AKAP19: variants seen among roughly 807,000 people sequenced by gnomAD.
The protein encoded by AKAP19 is small A-kinase anchoring protein.
the AKAP19 span, among the ~76,000 whole-genome samples, chr2:190,001,056 A>AT: frequency 6.6e-6 from 1 of 152,158 alleles, no homozygotes; most frequent in Non-Finnish European, 1.5e-5. Context: ...ATATTGACCT[A>AT]TCATTAAATT....
At chr2:190,114,507 G>A in the AKAP19 span, among the ~76,000 whole-genome samples, 4 of 152,356 alleles carry the variant, frequency 2.6e-5, no homozygotes, top group South Asian at 8.3e-4. Flanking sequence ...CCAGGCGGGA[G>A]TCCAGTGGCG....
the AKAP19 span, among the ~76,000 whole-genome samples, chr2:189,963,223 T>C: frequency 1.6e-5 from 2 of 128,292 alleles, no homozygotes; most frequent in African/African-American, 6.8e-5. Flanking sequence ...AGATGGAGTC[T>C]CACTCTGTTG....
the AKAP19 span, among the ~76,000 whole-genome samples, chr2:189,955,164 G>A: frequency 6.6e-6 from 1 of 152,080 alleles, no homozygotes; most frequent in Non-Finnish European, 1.5e-5. Context: ...TGTACCCGTT[G>A]TTTAGCTTCC....
At chr2:190,104,868 G>A in the AKAP19 span, among the ~76,000 whole-genome samples, 1 of 152,046 alleles carries the variant, frequency 6.6e-6, no homozygotes, top group African/African-American at 2.4e-5. Context: ...CAAACAAGTG[G>A]CCAACAAACA....
the AKAP19 span, among the ~76,000 whole-genome samples, chr2:189,899,403 T>C: frequency 6.6e-6 from 1 of 152,172 alleles, no homozygotes; most frequent in Admixed American, 6.5e-5. Flanking sequence ...CTCTCCTTCA[T>C]ATAGATTCCT....
the AKAP19 span, among the ~76,000 whole-genome samples, chr2:190,045,655 C>T: frequency 1.3e-5 from 2 of 152,156 alleles, no homozygotes; most frequent in African/African-American, 2.4e-5. Context: ...CTAAGGGAGG[C>T]GCAATGCTCC....
At chr2:190,027,658 A>G in the AKAP19 span, among the ~76,000 whole-genome samples, 1 of 152,168 alleles carries the variant, frequency 6.6e-6, no homozygotes, top group African/African-American at 2.4e-5. Context: ...ATAGGAGTAC[A>G]TACTTGTAGA....
At chr2:190,001,898 C>T in the AKAP19 span, among the ~76,000 whole-genome samples, 1 of 152,308 alleles carries the variant, frequency 6.6e-6, no homozygotes, top group South Asian at 2.1e-4. Flanking sequence ...GGACTACAAC[C>T]TTAGACACGT....
the AKAP19 span, among the ~76,000 whole-genome samples, chr2:190,171,999 A>G: frequency 2.6e-5 from 4 of 152,234 alleles, no homozygotes; most frequent in African/African-American, 9.6e-5. Flanking sequence ...AGAATTTTCA[A>G]CGGGTGTCTG....
At chr2:190,143,796 A>G in the AKAP19 span, among the ~76,000 whole-genome samples, 1 of 150,666 alleles carries the variant, frequency 6.6e-6, no homozygotes, top group Non-Finnish European at 1.5e-5. Flanking sequence ...GATAGACTGG[A>G]TTAAGAAAAT....
At chr2:189,937,089 C>T in the AKAP19 span, among the ~76,000 whole-genome samples, 2 of 152,114 alleles carry the variant, frequency 1.3e-5, no homozygotes, top group African/African-American at 4.8e-5. Context: ...GAGCTATGAT[C>T]ATGCGACTGT....
chr2:189,915,124 A>G, the AKAP19 span, among the ~76,000 whole-genome samples: 1 of 152,180 alleles, frequency 6.6e-6, no homozygotes, highest in Non-Finnish European at 1.5e-5. Context: ...ACTTCTTGGT[A>G]TCTCCTCACA....
chr2:190,056,042 G>A, the AKAP19 span: 1 of 152,296 alleles, frequency 6.6e-6, no homozygotes, highest in Admixed American at 6.6e-5. Flanking sequence ...ACTTTATACA[G>A]CCATCATGAA....
the AKAP19 span, among the ~76,000 whole-genome samples, chr2:190,142,506 C>A: frequency 6.6e-6 from 1 of 152,182 alleles, no homozygotes; most frequent in Non-Finnish European, 1.5e-5. Context: ...GCCAGTGTTC[C>A]CACTTCAGAA....
chr2:190,158,946 G>T, the AKAP19 span, among the ~76,000 whole-genome samples: 7 of 152,216 alleles, frequency 4.6e-5, no homozygotes, highest in African/African-American at 1.4e-4. Flanking sequence ...GGGCCTGGAG[G>T]TGAAGAGACT....
the AKAP19 span, among the ~76,000 whole-genome samples, chr2:190,108,469 A>G: frequency 6.6e-6 from 1 of 152,166 alleles, no homozygotes; most frequent in Non-Finnish European, 1.5e-5. Context: ...AATTTCTTAT[A>G]AATGTTTGCA....
the AKAP19 span, among the ~76,000 whole-genome samples, chr2:190,145,120 A>C: frequency 6.6e-6 from 1 of 152,164 alleles, no homozygotes; most frequent in Non-Finnish European, 1.5e-5. Flanking sequence ...CTTCATCTCT[A>C]CAAAAAAAGT....
the AKAP19 span, among the ~76,000 whole-genome samples, chr2:190,069,170 G>GTGTGTC: frequency 7.5e-3 from 1,094 of 146,448 alleles, 13 homozygotes; most frequent in African/African-American, 0.026. Context: ...GTGTGTGTGT[G>GTGTGTC]TGTGTGAGAG....
the AKAP19 span, among the ~76,000 whole-genome samples, chr2:190,140,126 G>T: frequency 0.91 from 138,698 of 152,174 alleles, 64,111 homozygotes; most frequent in East Asian, 1. Context: ...TTTGACTCCA[G>T]GTCTCACATC....
Sources: gnomAD v4.1 joint callset for allele counts (sites outside exome capture counted in the v4.1 genomes callset) on GRCh38, gnomAD v4.1.1 for gene constraint, MANE v1.5 for transcripts, NCBI Gene and HGNC (gene_info 2026-07-23, HGNC 2026-07-21) for gene names.